The following LRCH2 variants were observed in gnomAD, a reference collection of about 807,000 sequenced individuals.
The protein encoded by LRCH2 is leucine-rich repeat and calponin homology domain-containing protein 2.
Under a neutral mutation model 68.9 loss-of-function variants are expected in LRCH2, and 38 were observed. The observed-to-expected ratio is 0.55, with a 90% CI of 0.43 to 0.72. The LOEUF is 0.72. Among genes scored for constraint, LRCH2 ranks in the 30% least tolerant of loss-of-function variants. The probability of loss-of-function intolerance (pLI) is 0.00; values close to 1 mark genes in which losing one functional copy is unlikely to be tolerated. For missense variants in LRCH2, 528 were observed against 572.9 expected, an observed-to-expected ratio of 0.92 and a Z score of 0.80; for synonymous variants, 191 against 208.1, an observed-to-expected ratio of 0.92 and a Z score of 0.71.
chrX:115,141,472 T>C (rs2072337826), intron 14 of LRCH2, among the ~76,000 whole-genome samples: 1 of 111,107 alleles, frequency 9.0e-6, no homozygotes. Flanking sequence ...AATGGCTGCA[T>C]TCTCTTAAGT....
intron 14 of LRCH2, among the ~76,000 whole-genome samples, chrX:115,147,828 G>T (rs1003596206): frequency 9.0e-6 from 1 of 110,774 alleles, no homozygotes; most frequent in Non-Finnish European, 1.9e-5. Context: ...TAGATGGGAG[G>T]ATCTCTTGAA....
intron 20 of LRCH2, among the ~76,000 whole-genome samples, chrX:115,117,233 C>A (rs1294728818): frequency 1.8e-5 from 2 of 111,428 alleles, no homozygotes; most frequent in Non-Finnish European, 3.8e-5. Context: ...ATTAAAACTG[C>A]ACTGGCAAGT....
intron 1 of LRCH2, among the ~76,000 whole-genome samples, chrX:115,212,442 C>G (rs782080967): frequency 8.9e-6 from 1 of 112,233 alleles, no homozygotes; most frequent in Admixed American, 9.4e-5. Context: ...GAGAGAAATA[C>G]TATCTAATTT....
chrX:115,208,307 T>C (rs2072983270), intron 1 of LRCH2, among the ~76,000 whole-genome samples: 1 of 111,918 alleles, frequency 8.9e-6, no homozygotes, highest in Admixed American at 9.5e-5. Flanking sequence ...TCCAAAGGGA[T>C]AAGCACCTTT....
chrX:115,134,175 A>G (rs1375856485), intron 14 of LRCH2, among the ~76,000 whole-genome samples: 2 of 112,270 alleles, frequency 1.8e-5, no homozygotes, highest in Non-Finnish European at 3.8e-5. Context: ...CTTCAATCCT[A>G]TGAAGTCAAG....
chrX:115,158,712 C>T (rs1411840321), intron 11 of LRCH2, among the ~76,000 whole-genome samples: 1 of 111,798 alleles, frequency 8.9e-6, no homozygotes, highest in East Asian at 2.8e-4. Context: ...AGGAAAGACA[C>T]AACAGAAAAT....
chrX:115,204,156 GC>G (rs1445008546), intron 1 of LRCH2, among the ~76,000 whole-genome samples: 42 of 112,998 alleles, frequency 3.7e-4, no homozygotes, highest in African/African-American at 1.3e-3. Context: ...CTGTGCCTTG[GC>G]CCCTTTTAGC....
chrX:115,186,131 C>T (rs1348379283), intron 2 of LRCH2, among the ~76,000 whole-genome samples: 5 of 111,387 alleles, frequency 4.5e-5, no homozygotes, highest in Non-Finnish European at 7.5e-5. Flanking sequence ...GAGGCCGAGG[C>T]GGGCAAATCA....
intron 1 of LRCH2, among the ~76,000 whole-genome samples, chrX:115,193,600 A>C (rs782033130): frequency 8.9e-6 from 1 of 112,251 alleles, no homozygotes; most frequent in Non-Finnish European, 1.9e-5. Flanking sequence ...TTAAGGGTTT[A>C]TTTGTTAAAT....
intron 14 of LRCH2, among the ~76,000 whole-genome samples, chrX:115,140,625 G>A (rs1367457201): frequency 6.3e-5 from 7 of 110,653 alleles, no homozygotes; most frequent in Non-Finnish European, 1.3e-4. Context: ...TTCAGGGTGA[G>A]TCCCAGGACT....
At chrX:115,170,216 C>T (rs1340196939) in intron 6 of LRCH2, 83 bp downstream of exon 6, 32 of 942,694 alleles carry the variant, frequency 3.4e-5, no homozygotes, top group Admixed American at 9.5e-5. Flanking sequence ...TAAATATATT[C>T]GGAACACTCA....
At chrX:115,179,286 C>T in intron 5 of LRCH2, 141 bp downstream of exon 5, 1 of 427,257 alleles carries the variant, frequency 2.3e-6, no homozygotes, top group Middle Eastern at 7.7e-4. Context: ...GTGCAAAAGG[C>T]AATGCTCAGA....
intron 1 of LRCH2, among the ~76,000 whole-genome samples, chrX:115,223,444 A>AT (rs1202226845): frequency 8.7e-4 from 33 of 38,099 alleles, no homozygotes; most frequent in African/African-American, 1.9e-3. Flanking sequence ...TGAATATAGA[A>AT]TTTTTTTTTT....
chrX:115,161,249 G>A (rs1420963733), intron 11 of LRCH2, among the ~76,000 whole-genome samples: 2 of 110,857 alleles, frequency 1.8e-5, no homozygotes, highest in Admixed American at 9.6e-5. Flanking sequence ...AGCTACTTGG[G>A]AGGCCGAGGG....
At chrX:115,158,585 C>A (rs186136033) in intron 11 of LRCH2, among the ~76,000 whole-genome samples, 1 of 112,091 alleles carries the variant, frequency 8.9e-6, no homozygotes, top group African/African-American at 3.2e-5. Context: ...TTAATTATAA[C>A]TTTTCATAAT....
intron 1 of LRCH2, among the ~76,000 whole-genome samples, chrX:115,219,484 G>A (rs2073064457): frequency 9.0e-6 from 1 of 111,613 alleles, no homozygotes; most frequent in East Asian, 2.8e-4. Context: ...CAGCACGGCG[G>A]CAGCTGCCAG....
At chrX:115,161,573 A>G (rs2072519495) in intron 11 of LRCH2, among the ~76,000 whole-genome samples, 1 of 111,584 alleles carries the variant, frequency 9.0e-6, no homozygotes, top group Non-Finnish European at 1.9e-5. Context: ...AGTTTTTTTT[A>G]GGGAGAACAT....
In LRCH2 at chrX:115,233,843, T is replaced by C; in HGVS notation, c.199A>G (p.Asn67Asp). 8.6e-7 allele frequency: 1 copy of C among 1,167,387 alleles called. No homozygotes were observed. The highest frequency in any genetic ancestry group is 1.1e-6 in the Non-Finnish European group (1 of 873,019). ...TGCTGAGGCTGCAGGCTCCCCGGGTTCCACGGCGGCCCGTTGGGGAACGGC... is the reference window on the plus strand; with the variant it reads ...TGCTGAGGCTGCAGGCTCCCCGGGTCCCACGGCGGCCCGTTGGGGAACGGC... ...GQPFPNGPPW[N>D]PGSLQPQHTV... Residue 67 changes from asparagine (N) to aspartate (D), a missense_variant, in exon 1 of 21, where the codon AAC becomes GAC. Asn to Asp is a conservative substitution (Grantham distance 23). Transcript: ENST00000317135.
chrX:115,197,555 C>A (rs2072896835), intron 1 of LRCH2, among the ~76,000 whole-genome samples: 1 of 110,484 alleles, frequency 9.1e-6, no homozygotes, highest in African/African-American at 3.3e-5. Flanking sequence ...TGTTTAGGAC[C>A]AGCTTGGGCA....
Sources: gnomAD v4.1 joint callset for allele counts (sites outside exome capture counted in the v4.1 genomes callset) on GRCh38, gnomAD v4.1.1 for gene constraint, MANE v1.5 for transcripts, NCBI Gene and HGNC (gene_info 2026-07-23, HGNC 2026-07-21) for gene names.